SUCLG2: variants seen among roughly 807,000 people sequenced by gnomAD.
SUCLG2 encodes succinate-CoA ligase GDP-forming subunit beta.
SUCLG2 carries 42 observed loss-of-function variants against 47.9 expected under a neutral mutation model. The ratio of observed to expected loss-of-function variants is 0.88; its 90% CI spans 0.69 to 1.14. The LOEUF (loss-of-function observed/expected upper bound fraction) is 1.14, where lower values mean the gene tolerates loss of function less well. SUCLG2 is among the 50% of genes most tolerant of loss of function. SUCLG2 has a pLI of 0.00. For missense variants in SUCLG2, 571 were observed against 525.9 expected, an observed-to-expected ratio of 1.09 and a Z score of -0.84; for synonymous variants, 195 against 197.3, an observed-to-expected ratio of 0.99 and a Z score of 0.10.
downstream of SUCLG2, among the ~76,000 whole-genome samples, chr3:67,371,914 C>G (rs1701960391): frequency 6.6e-6 from 1 of 152,110 alleles, no homozygotes; most frequent in Non-Finnish European, 1.5e-5. Flanking sequence ...ACAACAATGA[C>G]AGATTCATAG....
chr3:67,505,814 T>G (rs1705620251), intron 7 of SUCLG2, among the ~76,000 whole-genome samples: 2 of 151,772 alleles, frequency 1.3e-5, no homozygotes, highest in African/African-American at 4.8e-5. Context: ...ATACAAAAAT[T>G]AGCTGGGCGC....
chr3:67,552,613 G>C (rs567062628), intron 2 of SUCLG2, among the ~76,000 whole-genome samples: 2 of 152,184 alleles, frequency 1.3e-5, no homozygotes, highest in Non-Finnish European at 2.9e-5. Context: ...TTTGTGGATT[G>C]CCATTCCAGT....
At chr3:67,555,926 T>A (rs1011762576) in intron 2 of SUCLG2, among the ~76,000 whole-genome samples, 4 of 152,172 alleles carry the variant, frequency 2.6e-5, no homozygotes, top group Non-Finnish European at 4.4e-5. Context: ...TGTACCAATG[T>A]GAACAGAGTG....
At chr3:67,478,952 T>C (rs1326687408) in intron 9 of SUCLG2, among the ~76,000 whole-genome samples, 1 of 152,210 alleles carries the variant, frequency 6.6e-6, no homozygotes, top group Non-Finnish European at 1.5e-5. Flanking sequence ...CACCCTCATA[T>C]AGGGTGTAAC....
chr3:67,482,573 G>A (rs1238707809), intron 9 of SUCLG2, among the ~76,000 whole-genome samples: 1 of 152,086 alleles, frequency 6.6e-6, no homozygotes. Context: ...TAACTATTTG[G>A]TCGTTCAGCT....
chr3:67,432,639 T>C (rs1455053574), intron 9 of SUCLG2, among the ~76,000 whole-genome samples: 1 of 152,214 alleles, frequency 6.6e-6, no homozygotes, highest in Non-Finnish European at 1.5e-5. Context: ...TCTCCCGGCA[T>C]AATTACCCTT....
intron 2 of SUCLG2, among the ~76,000 whole-genome samples, chr3:67,544,971 A>C (rs1706825388): frequency 6.6e-6 from 1 of 152,196 alleles, no homozygotes; most frequent in African/African-American, 2.4e-5. Context: ...TTTTACCCCA[A>C]ATACTTTTAA....
intron 9 of SUCLG2, among the ~76,000 whole-genome samples, chr3:67,418,323 C>A (rs149414044): frequency 5.3e-5 from 8 of 152,260 alleles, no homozygotes; most frequent in Admixed American, 2.6e-4. Flanking sequence ...AGTAATTCAA[C>A]CCTTTCCAAA....
intron 1 of SUCLG2, among the ~76,000 whole-genome samples, chr3:67,633,653 T>C (rs1037772039): frequency 1.3e-5 from 2 of 152,234 alleles, no homozygotes; most frequent in African/African-American, 2.4e-5. Context: ...TTCCTGTCAA[T>C]GTCTATGTTC....
rs1249511687 is a variant in SUCLG2, at chr3:67,520,780, C to A, written c.418-146G>T. On this transcript the variant is annotated intron_variant, in intron 4 of 10. Transcript: ENST00000307227. ...GTGAGTTTGCAGAGCTTTGAGAGTT[C>A]TGCTCTCATGGTGCACACAATGCCC... 9 of 869,468 alleles carry A rather than the reference C, an allele frequency of 1.0e-5. No individual in the cohort carries two copies. The African/African-American group carries it at 1.4e-4, about 13-fold the overall frequency. The allele number at this position is 869,468 out of a possible 1,614,324, so 53.9% of individuals were successfully genotyped here.
intron 10 of SUCLG2, among the ~76,000 whole-genome samples, chr3:67,395,280 C>T (rs370310034): frequency 0.071 from 10,865 of 151,988 alleles, 394 homozygotes; most frequent in Middle Eastern, 0.14. Context: ...GGAAACCCAT[C>T]TCATGTGCAG....
intron 2 of SUCLG2, among the ~76,000 whole-genome samples, chr3:67,573,441 T>C (rs1020796624): frequency 4.6e-5 from 7 of 152,268 alleles, no homozygotes; most frequent in Non-Finnish European, 8.8e-5. Context: ...CACGTCACCA[T>C]GTTTCTGACA....
intron 9 of SUCLG2, among the ~76,000 whole-genome samples, chr3:67,405,272 G>A (rs1702778124): frequency 6.6e-6 from 1 of 152,098 alleles, no homozygotes; most frequent in East Asian, 1.9e-4. Flanking sequence ...TGGGTGTTTT[G>A]CTTTGCAAAA....
At chr3:67,579,809 G>T (rs559562404) in intron 2 of SUCLG2, among the ~76,000 whole-genome samples, 1 of 151,550 alleles carries the variant, frequency 6.6e-6, no homozygotes, top group Non-Finnish European at 1.5e-5. Context: ...TTGAAATAAA[G>T]TTAGTATGTT....
intron 2 of SUCLG2, among the ~76,000 whole-genome samples, chr3:67,569,934 C>T (rs2634725): frequency 0.53 from 81,010 of 151,980 alleles, 21,767 homozygotes; most frequent in Admixed American, 0.57. Context: ...CCTAAATTCA[C>T]GTATTGAATT....
chr3:67,542,713 A>G (rs1454819144), intron 2 of SUCLG2, among the ~76,000 whole-genome samples: 1 of 152,220 alleles, frequency 6.6e-6, no homozygotes, highest in Non-Finnish European at 1.5e-5. Context: ...ACAAAGATCA[A>G]AAGAGACAAA....
At chr3:67,520,205 G>A (rs1292200216) in intron 5 of SUCLG2, among the ~76,000 whole-genome samples, 1 of 152,158 alleles carries the variant, frequency 6.6e-6, no homozygotes, top group East Asian at 1.9e-4. Flanking sequence ...AATTCTTGAG[G>A]AAGATTGGAT....
At chr3:67,632,961 G>T (rs564104103) in intron 1 of SUCLG2, among the ~76,000 whole-genome samples, 1 of 152,272 alleles carries the variant, frequency 6.6e-6, no homozygotes, top group East Asian at 1.9e-4. Context: ...GTCAAGCAAA[G>T]AACTCATTTG....
At chr3:67,591,021 G>A (rs1442346978) in intron 2 of SUCLG2, among the ~76,000 whole-genome samples, 2 of 152,094 alleles carry the variant, frequency 1.3e-5, no homozygotes, top group African/African-American at 4.8e-5. Context: ...CTCCTATTTA[G>A]TCTATTGAAT....
Sources: gnomAD v4.1 joint callset for allele counts (sites outside exome capture counted in the v4.1 genomes callset) on GRCh38, gnomAD v4.1.1 for gene constraint, MANE v1.5 for transcripts, NCBI Gene and HGNC (gene_info 2026-07-23, HGNC 2026-07-21) for gene names.